Variants in PALS2 observed in about 807,000 individuals in gnomAD.
The protein encoded by PALS2 is protein associated with LIN7 2, MAGUK p55 family member, also known as protein PALS2.
Under a neutral mutation model 61.6 loss-of-function variants are expected in PALS2, and 27 were observed. That is an observed-to-expected ratio of 0.44 (90% CI 0.32 to 0.60). The LOEUF (loss-of-function observed/expected upper bound fraction) is 0.60. PALS2 is among the 20% of genes least tolerant of loss of function. The pLI, the probability that PALS2 is intolerant of heterozygous loss-of-function variation, is 0.05. For synonymous variants in PALS2, 236 were observed against 218.6 expected (o/e 1.08, Z -0.70); for missense variants, 554 against 639.4 (o/e 0.87, Z 1.44).
At position 24,624,109 on chromosome 7, in the gene PALS2, A is replaced by G. The variant is rs559019697; in HGVS notation, c.117+325A>G. ...CCTATTTCCATTTTCAACAATGGCA[A>G]AGTACTGATTTTCTTCTTTTGCATT... is the stretch of plus-strand genomic sequence containing the variant. On this transcript the variant is annotated intron_variant, in intron 2 of 11. Transcript: ENST00000222644. The G allele has an allele frequency of 1.7e-5, 23 of 1,315,194 alleles. No homozygotes were observed. The Admixed American group carries it at 3.6e-4, about 21-fold the overall frequency. The allele number at this position is 1,315,194 out of a possible 1,614,324, so 81.5% of individuals were successfully genotyped here. A position where few individuals can be genotyped will look rare whatever the true frequency, so the allele number is the denominator to read the frequency against.
At chr7:24,683,522 C>CTT (rs749237062) in intron 11 of PALS2, among the ~76,000 whole-genome samples, 7 of 143,992 alleles carry the variant, frequency 4.9e-5, no homozygotes, top group East Asian at 2.0e-4. Context: ...CCCTTGAGAC[C>CTT]TTTTTTTTTT....
intron 2 of PALS2, among the ~76,000 whole-genome samples, chr7:24,624,605 C>CTTCTTTTTTTCTTTTTT (rs1554302487): frequency 1.2e-5 from 1 of 86,400 alleles, no homozygotes; most frequent in African/African-American, 6.5e-5. Context: ...GCAGATTCTT[C>CTTCTTTTTTTCTTTTTT]TTTTTTTTTT....
At chr7:24,673,343 A>T (rs963419422) in intron 9 of PALS2, among the ~76,000 whole-genome samples, 1 of 152,044 alleles carries the variant, frequency 6.6e-6, no homozygotes, top group African/African-American at 2.4e-5. Flanking sequence ...TTTATAAGGG[A>T]TATTGGTCTA....
In PALS2 at chr7:24,687,308, G is replaced by C. The variant is rs1222931432; in HGVS notation, c.1447-130G>C. On this transcript the variant is annotated intron_variant, in intron 11 of 11. Coordinates refer to ENST00000222644, the MANE Select transcript of PALS2 (RefSeq NM_001303037.2). The surrounding 1 kb of genome is among the most constrained non-coding windows in gnomAD (Gnocchi z 4.5). ...GTTGTCTTTAACACTATATGGATTA[G>C]ATTTTGAAGATTAATACCAGAATTA... is the stretch of plus-strand genomic sequence containing the variant. 1.5e-6 allele frequency: 1 copy of C among 684,104 alleles called. No individual in the cohort carries two copies. Among genetic ancestry groups the C allele is most frequent in the Non-Finnish European group, 2.4e-6 (1 of 414,190 alleles). 42.4% of individuals were successfully genotyped at this position (684,104 alleles called of 1,614,324 possible).
intron 8 of PALS2, among the ~76,000 whole-genome samples, chr7:24,666,300 A>G (rs553977459): frequency 6.6e-6 from 1 of 152,346 alleles, no homozygotes; most frequent in African/African-American, 2.4e-5. Flanking sequence ...TTGTGAGTAT[A>G]GTTTACAACA....
At chr7:24,612,034 G>A (rs947729037) in intron 1 of PALS2, among the ~76,000 whole-genome samples, 1 of 151,866 alleles carries the variant, frequency 6.6e-6, no homozygotes, top group African/African-American at 2.4e-5. Flanking sequence ...AGAATTTACT[G>A]CTTCTTTGCT....
intron 1 of PALS2, among the ~76,000 whole-genome samples, chr7:24,587,957 A>T (rs1160154438): frequency 6.6e-6 from 1 of 152,180 alleles, no homozygotes; most frequent in Non-Finnish European, 1.5e-5. Flanking sequence ...TGATTCTCTA[A>T]GGGTGCAGTT....
chr7:24,579,456 C>T (rs1380734111), intron 1 of PALS2, among the ~76,000 whole-genome samples: 1 of 152,172 alleles, frequency 6.6e-6, no homozygotes, highest in East Asian at 1.9e-4. Flanking sequence ...CACTAACTTG[C>T]ATTGCTTTGT....
In PALS2 at chr7:24,650,620, C is replaced by A; in HGVS notation, c.559C>A (p.Pro187Thr). 1 of 1,612,324 alleles carries A rather than the reference C, an allele frequency of 6.2e-7. No homozygotes were observed. Among genetic ancestry groups the A allele is most frequent in the Non-Finnish European group, 8.5e-7 (1 of 1,178,718 alleles). The change falls in exon 5 of 12, where the codon CCA becomes ACA. Residue 187 changes from proline (P) to threonine (T), a missense_variant. By Grantham distance (38) the Pro-to-Thr change is conservative. Coordinates refer to ENST00000222644, the MANE Select transcript of PALS2 (RefSeq NM_001303037.2). ...CAATGGCCATGAGGTTGGAAATAAT[C>A]CAAAGGAATTACAAGAATTACTGAA... ...EVNGHEVGNNPKELQELLKNI... is the reference protein window; with the variant it reads ...EVNGHEVGNNTKELQELLKNI...
chr7:24,664,245 CTG>C (rs760195343), intron 6 of PALS2, among the ~76,000 whole-genome samples: 6 of 152,140 alleles, frequency 3.9e-5, no homozygotes, highest in Non-Finnish European at 7.4e-5. Flanking sequence ...GGATTAAAAT[CTG>C]TGTATATGGA....
intron 1 of PALS2, among the ~76,000 whole-genome samples, chr7:24,608,516 G>C (rs1260650640): frequency 2.6e-5 from 4 of 152,044 alleles, no homozygotes; most frequent in Non-Finnish European, 5.9e-5. Flanking sequence ...TGTCATCTTT[G>C]TTCTGCATTT....
chr7:24,651,123 C>T (rs1238080234), intron 5 of PALS2, among the ~76,000 whole-genome samples: 1 of 152,010 alleles, frequency 6.6e-6, no homozygotes, highest in East Asian at 1.9e-4. Flanking sequence ...CTGATGAGGC[C>T]AGAAAAGAGG....
intron 9 of PALS2, among the ~76,000 whole-genome samples, chr7:24,678,355 T>C (rs941209650): frequency 3.3e-5 from 5 of 152,172 alleles, no homozygotes; most frequent in African/African-American, 9.6e-5. Context: ...AGAAATAATA[T>C]GTCAGGTCAG....
intron 5 of PALS2, chr7:24,663,357 T>C (rs1562650824): frequency 9.3e-6 from 3 of 321,524 alleles, no homozygotes; most frequent in Non-Finnish European, 1.1e-5. Context: ...TATCAAACTC[T>C]TGTTGATTTA....
chr7:24,675,029 G>T (rs1468175117), intron 9 of PALS2, among the ~76,000 whole-genome samples: 3 of 152,176 alleles, frequency 2.0e-5, no homozygotes, highest in Non-Finnish European at 4.4e-5. Flanking sequence ...AAACCTTCAT[G>T]TTCTAATTTC....
chr7:24,632,189 T>C (rs1785026574), intron 2 of PALS2, among the ~76,000 whole-genome samples: 1 of 152,248 alleles, frequency 6.6e-6, no homozygotes, highest in South Asian at 2.1e-4. Context: ...CTTATCGTTA[T>C]GTAATGCCTC....
At chr7:24,665,053 A>G (rs933648291) in intron 6 of PALS2, among the ~76,000 whole-genome samples, 43 of 152,134 alleles carry the variant, frequency 2.8e-4, no homozygotes, top group African/African-American at 9.9e-4. Context: ...TTCTCTTTGG[A>G]GCTTATTTTA....
At chr7:24,579,392 AATTG>A (rs1014518415) in intron 1 of PALS2, among the ~76,000 whole-genome samples, 6 of 152,252 alleles carry the variant, frequency 3.9e-5, no homozygotes, top group African/African-American at 1.2e-4. Flanking sequence ...AATATGCCTT[AATTG>A]ATACAGATGT....
chr7:24,636,548 C>T lies in PALS2; in HGVS notation c.118-5168C>T, dbSNP rs117807425. ...AAGATTGTGAATGTTGGCATCCCAA[C>T]GAAATAAATATTTAAAATAATGGAT... On this transcript the variant is annotated intron_variant, in intron 2 of 11. Coordinates refer to ENST00000222644, the MANE Select transcript of PALS2 (RefSeq NM_001303037.2). 5.3e-4 allele frequency among the ~76,000 whole-genome samples: 81 copies of T among 152,054 alleles called. No homozygotes were observed. In the East Asian group the frequency reaches 0.013, roughly 25 times the overall value.
Sources: gnomAD v4.1 joint callset for allele counts (sites outside exome capture counted in the v4.1 genomes callset) on GRCh38, gnomAD v4.1.1 for gene constraint, Gnocchi (gnomAD v3.1) non-coding constraint, MANE v1.5 for transcripts, NCBI Gene and HGNC (gene_info 2026-07-23, HGNC 2026-07-21) for gene names.